Variants in THSD7B observed in about 807,000 individuals in gnomAD.
THSD7B encodes the protein thrombospondin type-1 domain-containing protein 7B.
THSD7B carries 138 observed loss-of-function variants against 213.6 expected under a neutral mutation model. The observed-to-expected ratio is 0.65, with a 90% CI of 0.56 to 0.74. The LOEUF (loss-of-function observed/expected upper bound fraction) is 0.74. Among genes scored for constraint, THSD7B ranks in the 30% least tolerant of loss-of-function variants. The pLI is 0.00. For missense variants in THSD7B, 1,931 were observed against 1,991.5 expected, an observed-to-expected ratio of 0.97 and a Z score of 0.58; for synonymous variants, 742 against 687.0, an observed-to-expected ratio of 1.08 and a Z score of -1.25.
At chr2:137,642,736 G>T (rs1235175500) in intron 21 of THSD7B, 103 bp downstream of exon 21, 2 of 1,350,660 alleles carry the variant, frequency 1.5e-6, no homozygotes, top group African/African-American at 1.5e-5. Context: ...AGCACCAGGG[G>T]TCTGGCACAA....
chr2:137,465,491 G>C (rs1479618405), intron 15 of THSD7B, among the ~76,000 whole-genome samples: 1 of 152,052 alleles, frequency 6.6e-6, no homozygotes, highest in East Asian at 1.9e-4. Context: ...ATCTCCAGGT[G>C]ATTCTAATGG....
chr2:137,542,855 C>T (rs1299374095), intron 15 of THSD7B, among the ~76,000 whole-genome samples: 2 of 151,738 alleles, frequency 1.3e-5, no homozygotes, highest in African/African-American at 4.8e-5. Flanking sequence ...CCTGAAAATA[C>T]ACCAAAACAT....
chr2:137,242,167 G>A (rs1029074899), intron 9 of THSD7B, among the ~76,000 whole-genome samples: 6 of 152,114 alleles, frequency 3.9e-5, no homozygotes, highest in Non-Finnish European at 5.9e-5. Context: ...TGATGCTGAT[G>A]GTGAGACACT....
At chr2:136,920,377 G>C (rs1684413647) in intron 2 of THSD7B, among the ~76,000 whole-genome samples, 1 of 152,220 alleles carries the variant, frequency 6.6e-6, no homozygotes, top group East Asian at 1.9e-4. Flanking sequence ...GTCCCAGTGA[G>C]TGTCCGGCTC....
At chr2:137,388,806 T>A (rs535403758) in intron 12 of THSD7B, among the ~76,000 whole-genome samples, 1 of 152,296 alleles carries the variant, frequency 6.6e-6, no homozygotes, top group Admixed American at 6.5e-5. Flanking sequence ...CTTAACATAA[T>A]GACCTTCAGT....
chr2:137,220,362 T>C lies in THSD7B; in HGVS notation c.1724-10682T>C, dbSNP rs139015995. Among the ~76,000 whole-genome samples, 195 of 152,136 alleles carry C rather than the reference T, an allele frequency of 1.3e-3. 1 individual carries two copies. The highest frequency in any genetic ancestry group is 2.4e-3 in the Non-Finnish European group (160 of 67,978). On this transcript the variant is annotated intron_variant, in intron 7 of 27. Transcript: ENST00000409968. ...TAAAAAAAAATCCCAATTAAAATAA[T>C]AAGCCAAAGATTTGAAAAGACTCTT...
At position 136,882,286 on chromosome 2, in the gene THSD7B, C is replaced by A; in HGVS notation, c.108C>A (p.Gly36=). 1 of 1,539,966 alleles carries A rather than the reference C, an allele frequency of 6.5e-7. No individual in the cohort carries two copies. Among genetic ancestry groups the A allele is most frequent in the Admixed American group, 2.0e-5 (1 of 48,930 alleles). Residue 36 remains glycine (G), a synonymous_variant, in exon 2 of 28, where the codon GGC becomes GGA. Transcript: ENST00000409968. ...LLLSHAAHLE[G]KKDNQFIWKP... ...TGTCCCATGCAGCTCATTTGGAAGG[C>A]AAAAAGGATAATCAGTTCATCTGGA...
chr2:137,322,278 T>A (rs146766203), intron 12 of THSD7B, among the ~76,000 whole-genome samples: 33 of 152,300 alleles, frequency 2.2e-4, no homozygotes, highest in African/African-American at 7.2e-4. Flanking sequence ...TTAGTTCCCG[T>A]CCCAGGTCTG....
rs1335867495 is a variant in THSD7B at position 137,094,954 on chromosome 2, C to T, written c.1032C>T (p.Ser344=). 6.2e-7 allele frequency: 1 copy of T among 1,613,754 alleles called. No individual in the cohort carries two copies. The highest frequency in any genetic ancestry group is 2.2e-5 in the East Asian group (1 of 44,882). The part of the protein sequence containing the change: ...PKDCETSQWS[S]WSPCSKTCRS... ...ACTGTGAAACCTCCCAGTGGTCCTC[C>T]TGGAGCCCCTGCTCCAAGACATGCC... The change falls in exon 4 of 28, where the codon TCC becomes TCT. Residue 344 remains serine (S), a synonymous_variant. Coordinates refer to ENST00000409968, the MANE Select transcript of THSD7B (RefSeq NM_001316349.2).
chr2:137,471,352 A>G (rs1251187011), intron 15 of THSD7B, among the ~76,000 whole-genome samples: 1 of 152,172 alleles, frequency 6.6e-6, no homozygotes, highest in Non-Finnish European at 1.5e-5. Flanking sequence ...CAAGCCAACA[A>G]ACTGTTATAT....
chr2:137,477,936 T>G (rs1044187014), intron 15 of THSD7B, among the ~76,000 whole-genome samples: 10 of 152,148 alleles, frequency 6.6e-5, no homozygotes, highest in Non-Finnish European at 1.5e-5. Context: ...GTAAGGTTTC[T>G]ATTGAGGAAT....
chr2:136,807,450 A>T (rs1443319324), intron 1 of THSD7B, among the ~76,000 whole-genome samples: 2 of 148,502 alleles, frequency 1.3e-5, no homozygotes, highest in South Asian at 2.1e-4. Flanking sequence ...TTCCTTTGAC[A>T]TACCCTTATC....
At chr2:137,625,066 G>A (rs1397737379) in intron 20 of THSD7B, among the ~76,000 whole-genome samples, 2 of 152,000 alleles carry the variant, frequency 1.3e-5, no homozygotes, top group Non-Finnish European at 2.9e-5. Flanking sequence ...CAAAGACTTG[G>A]AACCAACCCA....
intron 2 of THSD7B, among the ~76,000 whole-genome samples, chr2:136,960,245 A>G (rs138172667): frequency 1.8e-4 from 27 of 152,240 alleles, no homozygotes; most frequent in African/African-American, 6.3e-4. Context: ...CCCGCACCAC[A>G]ACCTCCTGAG....
At position 137,320,107 on chromosome 2, in the gene THSD7B, A is replaced by G. The variant is rs184664981; in HGVS notation, c.2500+44081A>G. On this transcript the variant is annotated intron_variant, in intron 12 of 27. Coordinates refer to ENST00000409968, the MANE Select transcript of THSD7B (RefSeq NM_001316349.2). ...TATAAGAGAAAATAAAACTGCCAGA[A>G]AATTTAATGTGTTTAGGCCACTATA... 1.3e-3 allele frequency among the ~76,000 whole-genome samples: 203 copies of G among 152,324 alleles called. 3 individuals are homozygous for G. Among genetic ancestry groups the G allele is most frequent in the Middle Eastern group, 0.01 (3 of 294 alleles).
intron 1 of THSD7B, among the ~76,000 whole-genome samples, chr2:136,875,622 A>G (rs1683514942): frequency 6.6e-6 from 1 of 152,126 alleles, no homozygotes; most frequent in Non-Finnish European, 1.5e-5. Context: ...TAGCCAGATT[A>G]TGGGGACCAC....
chr2:137,549,776 C>T (rs10209086), intron 15 of THSD7B, among the ~76,000 whole-genome samples: 71,257 of 151,852 alleles, frequency 0.47, 17,138 homozygotes, highest in South Asian at 0.66. Context: ...AAGTCTATCA[C>T]GCAGTATTTG....
chr2:136,874,572 T>A (rs1683494135), intron 1 of THSD7B, among the ~76,000 whole-genome samples: 1 of 152,234 alleles, frequency 6.6e-6, no homozygotes, highest in South Asian at 2.1e-4. Flanking sequence ...TACTTTATTT[T>A]ATTTTTTAAA....
chr2:137,028,687 G>T (rs185207775), intron 2 of THSD7B, among the ~76,000 whole-genome samples: 7 of 152,180 alleles, frequency 4.6e-5, no homozygotes, highest in African/African-American at 1.7e-4. Context: ...AAGTGCCATC[G>T]TAAGAAAGAG....
Sources: gnomAD v4.1 joint callset for allele counts (sites outside exome capture counted in the v4.1 genomes callset) on GRCh38, gnomAD v4.1.1 for gene constraint, MANE v1.5 for transcripts, NCBI Gene and HGNC (gene_info 2026-07-23, HGNC 2026-07-21) for gene names.